The following HABP4 variants were observed in gnomAD, a reference collection of about 807,000 sequenced individuals.
The protein encoded by HABP4 is intracellular hyaluronan-binding protein 4.
Under a neutral mutation model 44.1 loss-of-function variants are expected in HABP4, and 32 were observed. That is an observed-to-expected ratio of 0.73 (90% CI 0.55 to 0.97). HABP4 has a LOEUF of 0.97. Ranked by LOEUF, HABP4 falls within the 50% of genes least tolerant of loss-of-function variation. HABP4 has a pLI of 0.00. For missense variants in HABP4, 503 were observed against 561.9 expected, an observed-to-expected ratio of 0.90 and a Z score of 1.06; for synonymous variants, 216 against 218.0, an observed-to-expected ratio of 0.99 and a Z score of 0.08.
At chr9:96,485,551 G>A (rs545169830) in intron 6 of HABP4, among the ~76,000 whole-genome samples, 1 of 152,216 alleles carries the variant, frequency 6.6e-6, no homozygotes, top group Admixed American at 6.5e-5. Context: ...CCTCCGTGTT[G>A]TGAGGCCTTA....
intron 2 of HABP4, among the ~76,000 whole-genome samples, 169 bp downstream of exon 2, chr9:96,458,710 G>A (rs545698893): frequency 3.4e-5 from 5 of 147,688 alleles, no homozygotes; most frequent in African/African-American, 5.0e-5. Flanking sequence ...TGCAACCTCC[G>A]CTCCCGGGTT....
intron 2 of HABP4, among the ~76,000 whole-genome samples, chr9:96,459,409 C>T (rs977374799): frequency 1.3e-5 from 2 of 152,088 alleles, no homozygotes; most frequent in African/African-American, 2.4e-5. Flanking sequence ...TGGAGTGTTG[C>T]GTCGCTGCTT....
intron 1 of HABP4, chr9:96,451,563 A>G: frequency 1.0e-5 from 7 of 672,858 alleles, no homozygotes; most frequent in Non-Finnish European, 1.3e-5. Flanking sequence ...ACTTGGCTTT[A>G]TTGGTTTGTT....
At chr9:96,471,290 G>T (rs576393069) in intron 5 of HABP4, among the ~76,000 whole-genome samples, 196 bp downstream of exon 5, 1 of 152,188 alleles carries the variant, frequency 6.6e-6, no homozygotes, top group South Asian at 2.1e-4. Flanking sequence ...CAATAGGCGT[G>T]CGCCACCACG....
At chr9:96,463,151 G>A (rs1163372392) in intron 2 of HABP4, among the ~76,000 whole-genome samples, 1 of 152,078 alleles carries the variant, frequency 6.6e-6, no homozygotes, top group African/African-American at 2.4e-5. Flanking sequence ...TTGCCATGTT[G>A]CCCAAGCTAG....
chr9:96,490,100 C>G lies in HABP4; in HGVS notation c.*62C>G. 1 of 972,362 alleles carries G rather than the reference C, an allele frequency of 1.0e-6. No homozygotes were observed. Among genetic ancestry groups the G allele is most frequent in the Non-Finnish European group, 1.7e-6 (1 of 594,384 alleles). The allele number at this position is 972,362 out of a possible 1,614,324, so 60.2% of individuals were successfully genotyped here. ...CACACCTGTGGGGAGACTTTTCCAG[C>G]TGGGCCAAGGGAGTCAGACTCTAAG... On this transcript the variant is annotated 3_prime_UTR_variant, in exon 8 of 8. Transcript: ENST00000375249.
chr9:96,467,112 G>A (rs972279872), intron 4 of HABP4, among the ~76,000 whole-genome samples: 8 of 151,884 alleles, frequency 5.3e-5, no homozygotes, highest in African/African-American at 1.9e-4. Context: ...TAGTAAAGAC[G>A]GGGTTTCACC....
chr9:96,483,317 G>C (rs909088767), intron 5 of HABP4: 1 of 152,046 alleles, frequency 6.6e-6, no homozygotes, highest in African/African-American at 2.4e-5. Context: ...CTTTTTTGGG[G>C]GGAGGGTGGT....
At chr9:96,486,302 T>C (rs1832975598) in intron 6 of HABP4, among the ~76,000 whole-genome samples, 2 of 152,344 alleles carry the variant, frequency 1.3e-5, no homozygotes, top group Admixed American at 1.3e-4. Flanking sequence ...GAAATGGCTT[T>C]TTGTAGACAT....
rs1277924418 is a variant in HABP4, at chr9:96,450,759, TAGG to T, written c.349+137_349+139del. 1.9e-5 allele frequency: 14 copies of T among 730,126 alleles called. No individual in the cohort carries two copies. Among genetic ancestry groups the T allele is most frequent in the Non-Finnish European group, 2.4e-5 (13 of 538,630 alleles). 45.2% of individuals were successfully genotyped at this position (730,126 alleles called of 1,614,324 possible). Reference sequence around the variant, plus strand: ...TGAGGGTCCTGGTGGCCGCCGAAGGTAGGAGGAGAGGGGCAGGGGTCACACCCC... The same window carrying T: ...TGAGGGTCCTGGTGGCCGCCGAAGGTAGGAGAGGGGCAGGGGTCACACCCC... On this transcript the variant is annotated intron_variant, in intron 1 of 7. Transcript: ENST00000375249. This position sits in a 1 kb window ranked among gnomAD's most constrained non-coding sequence, Gnocchi z 4.8.
chr9:96,478,723 T>A (rs1167191809), intron 5 of HABP4, among the ~76,000 whole-genome samples: 1 of 151,708 alleles, frequency 6.6e-6, no homozygotes, highest in African/African-American at 2.4e-5. Context: ...TACAGTGGTG[T>A]GATCATAGCT....
intron 4 of HABP4, among the ~76,000 whole-genome samples, chr9:96,468,452 G>T (rs1366159582): frequency 6.6e-6 from 1 of 152,078 alleles, no homozygotes. Flanking sequence ...GTAGAGATGG[G>T]TTTTCACCCT....
intron 5 of HABP4, among the ~76,000 whole-genome samples, chr9:96,482,111 G>A (rs764204900): frequency 5.9e-5 from 9 of 151,698 alleles, no homozygotes; most frequent in Non-Finnish European, 8.8e-5. Context: ...AATTTTTCTG[G>A]TATTTTTTAG....
At chr9:96,453,921 T>A (rs1357917148) in intron 1 of HABP4, among the ~76,000 whole-genome samples, 1 of 152,034 alleles carries the variant, frequency 6.6e-6, no homozygotes, top group East Asian at 1.9e-4. Context: ...TTTGGGAGAG[T>A]TGGGAAGGAG....
At position 96,475,522 on chromosome 9, in the gene HABP4, T is replaced by C. The variant is rs375455868; in HGVS notation, c.827+4428T>C. Among the ~76,000 whole-genome samples the C allele has an allele frequency of 1.2e-3, 190 of 152,354 alleles. 1 individual carries two copies. The highest frequency in any genetic ancestry group is 4.4e-3 in the African/African-American group (185 of 41,580). ...CACTCCATGAAGGAGGAGCTACTGC[T>C]ATTCTCACACTGGGACAGAGGTTCA... On this transcript the variant is annotated intron_variant, in intron 5 of 7. Coordinates refer to ENST00000375249, the MANE Select transcript of HABP4 (RefSeq NM_014282.4).
At chr9:96,458,626 C>CTTTTT (rs372291268) in intron 2 of HABP4, 85 bp downstream of exon 2, 2 of 648,930 alleles carry the variant, frequency 3.1e-6, no homozygotes, top group Non-Finnish European at 4.9e-6. Flanking sequence ...TTCTTTCTTT[C>CTTTTT]TTTTTTTTTT....
chr9:96,477,144 C>T (rs1832796496), intron 5 of HABP4, among the ~76,000 whole-genome samples: 1 of 152,118 alleles, frequency 6.6e-6, no homozygotes, highest in African/African-American at 2.4e-5. Context: ...AATGTAAAAT[C>T]TATTCTTTCT....
At chr9:96,489,188 C>CG (rs1448738017) in intron 7 of HABP4, among the ~76,000 whole-genome samples, 3 of 151,870 alleles carry the variant, frequency 2.0e-5, no homozygotes, top group African/African-American at 7.3e-5. Flanking sequence ...ATTTTTTGGG[C>CG]GGGGGGTGTA....
intron 6 of HABP4, among the ~76,000 whole-genome samples, chr9:96,487,831 G>T (rs1564170667): frequency 6.6e-6 from 1 of 152,218 alleles, no homozygotes; most frequent in Non-Finnish European, 1.5e-5. Flanking sequence ...TAAGTTCAAA[G>T]ATGTTTGGAT....
Sources: allele counts gnomAD v4.1 joint callset (sites outside exome capture counted in the v4.1 genomes callset), GRCh38; gene constraint gnomAD v4.1.1; non-coding constraint Gnocchi (gnomAD v3.1); transcripts MANE v1.5; gene names NCBI Gene and HGNC (gene_info 2026-07-23, HGNC 2026-07-21).